The following WDR27 variants were observed in gnomAD, a reference collection of about 807,000 sequenced individuals.
WDR27 encodes WD repeat-containing protein 27.
WDR27 carries 100 observed loss-of-function variants against 114.4 expected under a neutral mutation model. The ratio of observed to expected loss-of-function variants is 0.87; its 90% CI spans 0.74 to 1.03. The LOEUF is 1.03. Ranked by LOEUF, WDR27 falls within the 50% of genes least tolerant of loss-of-function variation. The pLI, the probability that WDR27 is intolerant of heterozygous loss-of-function variation, is 0.00. For missense variants in WDR27, 1,129 were observed against 1,092.9 expected (o/e 1.03, Z -0.47); for synonymous variants, 449 against 423.1 (o/e 1.06, Z -0.75).
chr6:169,638,855 G>C lies in WDR27; in HGVS notation c.1748-195C>G, dbSNP rs77734952. Among the ~76,000 whole-genome samples the C allele has an allele frequency of 7.2e-3, 1,099 of 152,362 alleles. 9 individuals are homozygous for C. Among genetic ancestry groups the C allele is most frequent in the Middle Eastern group, 0.014 (4 of 294 alleles). ...CAGGGTGCACCATCTCCCTTCAGTA[G>C]AGACTCAGTGTGGCTTCTGAAGGCA... On this transcript the variant is annotated intron_variant, in intron 17 of 25. Transcript: ENST00000448612.
At chr6:169,490,605 C>T (rs888630208) in intron 25 of WDR27, among the ~76,000 whole-genome samples, 1 of 152,160 alleles carries the variant, frequency 6.6e-6, no homozygotes, top group African/African-American at 2.4e-5. Context: ...GGTTGCTGGA[C>T]TCTACTACTC....
intron 25 of WDR27, among the ~76,000 whole-genome samples, chr6:169,546,720 T>A (rs569273298): frequency 6.6e-6 from 1 of 152,288 alleles, no homozygotes; most frequent in South Asian, 2.1e-4. Context: ...GTCAAGGAGC[T>A]ACCACAAAAT....
intron 24 of WDR27, among the ~76,000 whole-genome samples, chr6:169,579,656 G>A (rs1258797242): frequency 1.3e-5 from 2 of 152,160 alleles, no homozygotes; most frequent in Non-Finnish European, 2.9e-5. Flanking sequence ...ACCCAGAAGT[G>A]ACCTTATGTG....
chr6:169,633,021 G>C lies in WDR27; in HGVS notation c.2149C>G (p.Leu717Val), dbSNP rs1007905812. 2 of 1,598,066 alleles carry C rather than the reference G, an allele frequency of 1.3e-6. No homozygotes were observed. The highest frequency in any genetic ancestry group is 1.7e-6 in the Non-Finnish European group (2 of 1,167,076). Residue 717 changes from leucine to valine, a missense_variant, in exon 21 of 26, where the codon CTC becomes GTC. Transcript: ENST00000448612. ...ACCGCTGCACTGCAGCCGGCGTTGA[G>C]GTCAAACACTTCCACGGTCCTGTTC... ...GRNRTVEVFD[L>V]NAGCSAAVIA...
At chr6:169,442,663 T>G in the WDR27 span, among the ~76,000 whole-genome samples, 1 of 152,182 alleles carries the variant, frequency 6.6e-6, no homozygotes. Context: ...TCCCCTGTGG[T>G]CTCCTGCCTT....
intron 25 of WDR27, among the ~76,000 whole-genome samples, chr6:169,518,213 C>A (rs982227420): frequency 6.6e-6 from 1 of 152,208 alleles, no homozygotes; most frequent in African/African-American, 2.4e-5. Flanking sequence ...GTCTAGAGGG[C>A]AGCACCCCAT....
In WDR27 at chr6:169,689,742, C is replaced by T. The variant is rs139469253; in HGVS notation, c.-7-730G>A. Among the ~76,000 whole-genome samples, 592 of 152,392 alleles carry T rather than the reference C, an allele frequency of 3.9e-3. 2 individuals carry two copies. The highest frequency in any genetic ancestry group is 6.8e-3 in the Middle Eastern group (2 of 294). ...TGATTCTGTTGTACCCCACACCCCA[C>T]TGCAGGCCGGCAATAGATGCACCTG... is the stretch of plus-strand genomic sequence containing the variant. On this transcript the variant is annotated intron_variant, in intron 1 of 25. Coordinates refer to ENST00000448612, the MANE Select transcript of WDR27 (RefSeq NM_182552.5).
intron 25 of WDR27, among the ~76,000 whole-genome samples, chr6:169,564,825 C>A (rs1410604578): frequency 6.6e-6 from 1 of 151,340 alleles, no homozygotes; most frequent in Non-Finnish European, 1.5e-5. Context: ...ATTCCGTCAG[C>A]TAGCCCTTGA....
At chr6:169,607,850 C>A (rs193129750) in intron 22 of WDR27, among the ~76,000 whole-genome samples, 45 of 152,154 alleles carry the variant, frequency 3.0e-4, no homozygotes, top group African/African-American at 1.1e-3. Flanking sequence ...TAAGAAGATG[C>A]CAGGAGTTAA....
At chr6:169,562,091 C>T (rs1799751592) in intron 25 of WDR27, among the ~76,000 whole-genome samples, 1 of 152,016 alleles carries the variant, frequency 6.6e-6, no homozygotes, top group African/African-American at 2.4e-5. Flanking sequence ...AAAGAGAAAA[C>T]CTAGAGGTAT....
At chr6:169,597,693 C>T (rs1001906907) in intron 23 of WDR27, among the ~76,000 whole-genome samples, 1 of 152,142 alleles carries the variant, frequency 6.6e-6, no homozygotes, top group Non-Finnish European at 1.5e-5. Flanking sequence ...GCTGAGCCTA[C>T]CTGTTTCTTG....
intron 20 of WDR27, among the ~76,000 whole-genome samples, chr6:169,633,668 C>T (rs1054643515): frequency 3.9e-5 from 6 of 152,140 alleles, no homozygotes; most frequent in Admixed American, 2.0e-4. Flanking sequence ...TGGTGGGAAC[C>T]CAGGTGCACT....
At chr6:169,653,646 T>C (rs950204776) in intron 13 of WDR27, among the ~76,000 whole-genome samples, 2 of 152,126 alleles carry the variant, frequency 1.3e-5, no homozygotes, top group African/African-American at 2.4e-5. Flanking sequence ...GGTAACACAC[T>C]GGTTAGGTAT....
chr6:169,624,106 T>C (rs1160230438), intron 21 of WDR27, among the ~76,000 whole-genome samples: 1 of 151,766 alleles, frequency 6.6e-6, no homozygotes, highest in Non-Finnish European at 1.5e-5. Flanking sequence ...GCATCAGGTG[T>C]GCCGTGTGTG....
At chr6:169,428,607 G>A in the WDR27 span, among the ~76,000 whole-genome samples, 1 of 143,550 alleles carries the variant, frequency 7.0e-6, no homozygotes, top group Admixed American at 6.9e-5. Flanking sequence ...TGGCGGGGGG[G>A]AGGGGGGGGT....
At chr6:169,427,446 C>T in the WDR27 span, among the ~76,000 whole-genome samples, 2 of 152,006 alleles carry the variant, frequency 1.3e-5, no homozygotes, top group African/African-American at 4.8e-5. Context: ...GTGGGCCCCC[C>T]ATCTTAGAAA....
chr6:169,642,431 G>A (rs1819450429), intron 17 of WDR27, among the ~76,000 whole-genome samples: 1 of 152,098 alleles, frequency 6.6e-6, no homozygotes. Context: ...ACAGTCAACA[G>A]AACAACCACT....
At chr6:169,512,057 C>T (rs989178098) in intron 25 of WDR27, among the ~76,000 whole-genome samples, 19 of 151,992 alleles carry the variant, frequency 1.3e-4, no homozygotes, top group African/African-American at 3.9e-4. Flanking sequence ...AATAATAGAA[C>T]AAATAGCTAT....
At chr6:169,601,661 G>C (rs1215254240) in intron 23 of WDR27, among the ~76,000 whole-genome samples, 3 of 152,212 alleles carry the variant, frequency 2.0e-5, no homozygotes, top group African/African-American at 7.2e-5. Context: ...AATGGGAAAA[G>C]GGTTAAGCCT....
Sources: gnomAD v4.1 joint callset for allele counts (sites outside exome capture counted in the v4.1 genomes callset) on GRCh38, gnomAD v4.1.1 for gene constraint, MANE v1.5 for transcripts, NCBI Gene and HGNC (gene_info 2026-07-23, HGNC 2026-07-21) for gene names.